Variants in USP12 observed in about 807,000 individuals in gnomAD.
USP12 encodes the protein ubiquitin carboxyl-terminal hydrolase 12.
A neutral mutation model predicts 45.5 loss-of-function variants in USP12; 19 were observed. That is an observed-to-expected ratio of 0.42 (90% CI 0.29 to 0.61). The LOEUF is 0.61. Among genes scored for constraint, USP12 ranks in the 20% least tolerant of loss-of-function variants. The probability of loss-of-function intolerance (pLI) is 0.22; values close to 1 mark genes in which losing one functional copy is unlikely to be tolerated. For missense variants in USP12, 242 were observed against 447.7 expected (o/e 0.54, Z 4.15); for synonymous variants, 149 against 148.8 (o/e 1.00, Z -0.01).
At chr13:27,137,175 C>T (rs542150447) in intron 1 of USP12, among the ~76,000 whole-genome samples, 1 of 152,254 alleles carries the variant, frequency 6.6e-6, no homozygotes, top group Non-Finnish European at 1.5e-5. Flanking sequence ...TCCCTCAATT[C>T]CTTCATTTTG....
At chr13:27,115,934 T>C (rs1875710919) in intron 2 of USP12, among the ~76,000 whole-genome samples, 1 of 152,196 alleles carries the variant, frequency 6.6e-6, no homozygotes, top group Non-Finnish European at 1.5e-5. Flanking sequence ...ATATTAATAC[T>C]AAATTTTGGC....
chr13:27,144,636 A>C (rs1442317721), intron 1 of USP12, among the ~76,000 whole-genome samples: 1 of 151,958 alleles, frequency 6.6e-6, no homozygotes, highest in Non-Finnish European at 1.5e-5. Flanking sequence ...AATAAAAGAG[A>C]CTAAAGAGAT....
At chr13:27,144,499 TAAA>T (rs56311173) in intron 1 of USP12, among the ~76,000 whole-genome samples, 6,257 of 117,990 alleles carry the variant, frequency 0.053, 458 homozygotes, top group East Asian at 0.3. Flanking sequence ...AGACTCTCTT[TAAA>T]AAAAAAAAAA....
chr13:27,075,183 G>A lies in USP12; in HGVS notation c.932+8C>T, dbSNP rs771874624. ...ATTCCACTACTATGTCCCCGGAGTT[G>A]CAATTACCTTCCACAGTGAACCACA... On this transcript the variant is annotated splice_region_variant and intron_variant, in intron 7 of 8. Transcript: ENST00000282344. 1.7e-5 allele frequency: 28 copies of A among 1,613,628 alleles called. 1 individual carries two copies. In the South Asian group the frequency reaches 1.8e-4, roughly 10 times the overall value.
At chr13:27,092,122 A>AC (rs534087367) in intron 4 of USP12, among the ~76,000 whole-genome samples, 195 of 152,132 alleles carry the variant, frequency 1.3e-3, no homozygotes, top group Non-Finnish European at 1.7e-3. Flanking sequence ...GGTGCTTAGC[A>AC]CCCCCCAAAA....
chr13:27,142,265 G>A (rs930773552), intron 1 of USP12, among the ~76,000 whole-genome samples: 3 of 152,026 alleles, frequency 2.0e-5, no homozygotes, highest in African/African-American at 4.8e-5. Context: ...ACTGAGGAAC[G>A]GTATACCAAA....
intron 1 of USP12, among the ~76,000 whole-genome samples, chr13:27,121,705 C>A (rs564736904): frequency 2.0e-5 from 3 of 151,766 alleles, no homozygotes; most frequent in Non-Finnish European, 4.4e-5. Context: ...ACTAAAAATA[C>A]AAAAAATTAG....
chr13:27,143,202 G>GTT (rs1378260200), intron 1 of USP12, among the ~76,000 whole-genome samples: 1 of 151,300 alleles, frequency 6.6e-6, no homozygotes, highest in East Asian at 1.9e-4. Flanking sequence ...AAGAATGATT[G>GTT]TAATTGATTA....
At chr13:27,152,994 A>G (rs1381125940) in intron 1 of USP12, among the ~76,000 whole-genome samples, 3 of 150,676 alleles carry the variant, frequency 2.0e-5, no homozygotes, top group South Asian at 4.2e-4. Context: ...ATGTATGTCA[A>G]CTTGGAGTCT....
chr13:27,142,479 T>TTA (rs759441927), intron 1 of USP12, among the ~76,000 whole-genome samples: 15 of 152,230 alleles, frequency 9.9e-5, no homozygotes, highest in Non-Finnish European at 8.8e-5. Context: ...TATACCATCT[T>TTA]TATGAAAGAG....
chr13:27,086,250 CACATAT>C (rs1009170014), intron 6 of USP12, among the ~76,000 whole-genome samples: 14 of 97,660 alleles, frequency 1.4e-4, no homozygotes, highest in Admixed American at 5.0e-4. Context: ...TATATATATG[CACATAT>C]ACATATACAT....
intron 2 of USP12, among the ~76,000 whole-genome samples, chr13:27,109,428 G>A (rs1172842493): frequency 6.6e-6 from 1 of 152,134 alleles, no homozygotes; most frequent in Non-Finnish European, 1.5e-5. Flanking sequence ...CAACAGTCAG[G>A]CAATGAAAGA....
intron 7 of USP12, among the ~76,000 whole-genome samples, chr13:27,072,489 C>T (rs1324427804): frequency 2.0e-5 from 3 of 152,158 alleles, no homozygotes; most frequent in Admixed American, 6.5e-5. Context: ...GATTTCTGGA[C>T]ATTAAACACA....
At position 27,171,687 on chromosome 13, in the gene USP12, G is replaced by A. The variant is rs753913091; in HGVS notation, c.-48C>T. 1 of 1,176,550 alleles carries A rather than the reference G, an allele frequency of 8.5e-7. No individual in the cohort carries two copies. The highest frequency in any genetic ancestry group is 1.7e-5 in the South Asian group (1 of 59,600). 72.9% of individuals were successfully genotyped at this position (1,176,550 alleles called of 1,614,324 possible). A position where few individuals can be genotyped will look rare whatever the true frequency, so the allele number is the denominator to read the frequency against. ...CAATCACAGCGGCGGCGGCGGGCGG[G>A]GGAGGAGGGGAGCCGGGCCGCCCGC... On this transcript the variant is annotated 5_prime_UTR_variant, in exon 1 of 9. Coordinates refer to ENST00000282344, the MANE Select transcript of USP12 (RefSeq NM_182488.4).
chr13:27,130,561 C>CAA (rs5802413), intron 1 of USP12, among the ~76,000 whole-genome samples: 6,234 of 124,544 alleles, frequency 0.05, 181 homozygotes, highest in Middle Eastern at 0.065. Flanking sequence ...CAAAACATGC[C>CAA]AAAAAAAAAA....
chr13:27,105,836 G>A lies in USP12; in HGVS notation c.238C>T (p.Leu80Phe), dbSNP rs987994537. Reference protein sequence around the residue: ...YKSQPRKKESLLTCLADLFHS... With the variant: ...YKSQPRKKESFLTCLADLFHS... ...AAGAGATCTGCTAAGCATGTAAGAA[G>A]GCTCTCCTTTTTCCTAGGTTGACTC... The change falls in exon 3 of 9, where the codon CTT becomes TTT. Residue 80 changes from leucine to phenylalanine, a missense_variant. Around this residue, in one of 5 missense-constraint regions of USP12, gnomAD observed 77 missense variants for 153.7 expected, o/e 0.50. Coordinates refer to ENST00000282344, the MANE Select transcript of USP12 (RefSeq NM_182488.4). 6.2e-7 allele frequency: 1 copy of A among 1,613,830 alleles called. No individual in the cohort carries two copies. Among genetic ancestry groups the A allele is most frequent in the Non-Finnish European group, 8.5e-7 (1 of 1,179,822 alleles).
chr13:27,092,820 G>A (rs1874378825), intron 4 of USP12, among the ~76,000 whole-genome samples: 1 of 152,150 alleles, frequency 6.6e-6, no homozygotes. Flanking sequence ...TGACTTTTTA[G>A]ATACAACACC....
intron 1 of USP12, among the ~76,000 whole-genome samples, chr13:27,144,359 G>A (rs1877211495): frequency 6.6e-6 from 1 of 152,044 alleles, no homozygotes; most frequent in Non-Finnish European, 1.5e-5. Flanking sequence ...GCCAGGCATG[G>A]TGGTGCATAC....
chr13:27,136,658 A>G (rs1876818755), intron 1 of USP12, among the ~76,000 whole-genome samples: 1 of 152,234 alleles, frequency 6.6e-6, no homozygotes, highest in Admixed American at 6.5e-5. Context: ...TTCTAAGTGT[A>G]TACCTATGTT....
Sources: allele counts gnomAD v4.1 joint callset (sites outside exome capture counted in the v4.1 genomes callset), GRCh38; gene constraint gnomAD v4.1.1; regional missense constraint gnomAD v4.1.1; transcripts MANE v1.5; gene names NCBI Gene and HGNC (gene_info 2026-07-23, HGNC 2026-07-21).